SRL: variants seen among roughly 807,000 people sequenced by gnomAD.
SRL encodes the protein sarcalumenin.
Under a neutral mutation model 39.5 loss-of-function variants are expected in SRL, and 23 were observed. The observed-to-expected ratio is 0.58, with a 90% CI of 0.42 to 0.82. The LOEUF (loss-of-function observed/expected upper bound fraction) is 0.82, where lower values mean the gene tolerates loss of function less well. SRL is among the 40% of genes least tolerant of loss of function. SRL has a pLI of 0.00. For missense variants in SRL, 592 were observed against 607.8 expected, an observed-to-expected ratio of 0.97 and a Z score of 0.27; for synonymous variants, 272 against 237.4, an observed-to-expected ratio of 1.15 and a Z score of -1.34.
chr16:4,205,341 G>A (rs1426106923), intron 1 of SRL, among the ~76,000 whole-genome samples: 2 of 152,122 alleles, frequency 1.3e-5, no homozygotes, highest in African/African-American at 2.4e-5. Flanking sequence ...AACATCTCAG[G>A]AGGCTTTAGG....
rs371620508 is a variant in SRL at position 4,228,601 on chromosome 16, G to A, written c.61+13406C>T. On this transcript the variant is annotated intron_variant, in intron 1 of 5. Transcript: ENST00000399609. ...ATACAAAAAATTAGTCAGGCGTGGT[G>A]GCGGGCACCTGTAGTCCCAGCTACT... Among the ~76,000 whole-genome samples the A allele has an allele frequency of 1.7e-4, 26 of 152,084 alleles. No individual in the cohort carries two copies. In the South Asian group the frequency reaches 5.2e-3, roughly 30 times the overall value.
At chr16:4,214,074 C>A (rs373256415) in intron 1 of SRL, among the ~76,000 whole-genome samples, 1 of 152,108 alleles carries the variant, frequency 6.6e-6, no homozygotes, top group South Asian at 2.1e-4. Context: ...TACAGAACAC[C>A]AGCATTTCGG....
intron 1 of SRL, among the ~76,000 whole-genome samples, chr16:4,231,476 G>A (rs78262188): frequency 0.018 from 2,685 of 152,228 alleles, 38 homozygotes; most frequent in Non-Finnish European, 0.028. Context: ...CCCCATGGCC[G>A]CAGACCCTGT....
chr16:4,208,464 TG>T (rs1196451235), intron 1 of SRL, among the ~76,000 whole-genome samples: 1 of 152,082 alleles, frequency 6.6e-6, no homozygotes, highest in Non-Finnish European at 1.5e-5. Context: ...GAGGGAAAGT[TG>T]GGCGAGCCCT....
intron 1 of SRL, among the ~76,000 whole-genome samples, chr16:4,215,710 A>C (rs2052451577): frequency 1.3e-5 from 2 of 152,188 alleles, no homozygotes; most frequent in African/African-American, 2.4e-5. Flanking sequence ...GGCTGGACGC[A>C]GTGGCTCTGA....
Position 4,190,095 on chromosome 16 carries a change from C to T in SRL, c.*2058G>A. The stretch of plus-strand genomic sequence containing the variant: ...TCCTGGTCGACTCGTTCCTTGGAAA[C>T]ATTGTCCTGAGTGCCCTGGAACCTC... On this transcript the variant is annotated 3_prime_UTR_variant, in exon 6 of 6. Coordinates refer to ENST00000399609, the MANE Select transcript of SRL (RefSeq NM_001098814.2). 1 of 396,894 alleles carries T rather than the reference C, an allele frequency of 2.5e-6. No homozygotes were observed. Among genetic ancestry groups the T allele is most frequent in the Non-Finnish European group, 4.4e-6 (1 of 225,558 alleles). 24.6% of individuals were successfully genotyped at this position (396,894 alleles called of 1,614,324 possible). A position where few individuals can be genotyped will look rare whatever the true frequency, so the allele number is the denominator to read the frequency against.
chr16:4,204,418 C>T (rs557157723), intron 2 of SRL, 115 bp downstream of exon 2: 12 of 940,398 alleles, frequency 1.3e-5, no homozygotes, highest in South Asian at 1.0e-4. Flanking sequence ...GATACAGCCC[C>T]GGCCTCCAAG....
At chr16:4,206,674 G>A (rs1204347589) in intron 1 of SRL, 1 of 456,640 alleles carries the variant, frequency 2.2e-6, no homozygotes, top group Admixed American at 2.3e-5. Context: ...AGACTTCCAG[G>A]GAGAATGCAG....
At chr16:4,204,195 A>G (rs2052279391) in intron 2 of SRL, among the ~76,000 whole-genome samples, 1 of 152,218 alleles carries the variant, frequency 6.6e-6, no homozygotes, top group Non-Finnish European at 1.5e-5. Context: ...AAACGGCTTT[A>G]TAAACTAAAA....
Position 4,191,913 on chromosome 16 carries a change from G to A in SRL, c.*240C>T. ...GACCCAGGAAAAGCAGGTGGAGGCT[G>A]ACTTGCCTCAATCAGGCCTCCTCAT... On this transcript the variant is annotated 3_prime_UTR_variant, in exon 6 of 6. Transcript: ENST00000399609. The A allele has an allele frequency of 2.2e-6, 1 of 455,086 alleles. No homozygotes were observed. The highest frequency in any genetic ancestry group is 3.8e-6 in the Non-Finnish European group (1 of 260,468). The allele number at this position is 455,086 out of a possible 1,614,324, so 28.2% of individuals were successfully genotyped here.
At chr16:4,208,105 C>A (rs1266032321) in intron 1 of SRL, 1 of 446,368 alleles carries the variant, frequency 2.2e-6, no homozygotes, top group Admixed American at 2.4e-5. Flanking sequence ...ACTTGCAGTT[C>A]TAAATGATTA....
intron 4 of SRL, among the ~76,000 whole-genome samples, 185 bp from the exon 5 acceptor site, chr16:4,195,971 T>C (rs1248845090): frequency 4.6e-5 from 7 of 152,196 alleles, no homozygotes; most frequent in Admixed American, 2.0e-4. Flanking sequence ...TACCTTTTTT[T>C]TCTTTTTGAG....
chr16:4,237,770 C>A (rs1416088702), intron 1 of SRL, among the ~76,000 whole-genome samples: 1 of 152,182 alleles, frequency 6.6e-6, no homozygotes, highest in Non-Finnish European at 1.5e-5. Flanking sequence ...TCCCTTCCTG[C>A]CATCTTTCTG....
chr16:4,196,120 C>G (rs927755415), intron 4 of SRL, among the ~76,000 whole-genome samples: 1 of 152,008 alleles, frequency 6.6e-6, no homozygotes, highest in Admixed American at 6.6e-5. Context: ...GCCACCATGC[C>G]TGGCTAATTT....
intron 3 of SRL, among the ~76,000 whole-genome samples, chr16:4,199,970 T>G (rs2052204228): frequency 1.3e-5 from 2 of 150,920 alleles, no homozygotes; most frequent in Admixed American, 1.3e-4. Context: ...GTGCTGGGAT[T>G]ACAGGCGTGA....
chr16:4,191,754 A>G lies in SRL; in HGVS notation c.*399T>C, dbSNP rs2052068299. ...GAAAGAAGCCAAAATGGACCTGACA[A>G]TCTCTACGACTCAGGCCTTCGCTGT... On this transcript the variant is annotated 3_prime_UTR_variant, in exon 6 of 6. Transcript: ENST00000399609. 2 of 172,278 alleles carry G rather than the reference A, an allele frequency of 1.2e-5. No homozygotes were observed. The highest frequency in any genetic ancestry group is 1.8e-4 in the South Asian group (1 of 5,428). The allele number at this position is 172,278 out of a possible 1,614,324, so 10.7% of individuals were successfully genotyped here. A position where few individuals can be genotyped will look rare whatever the true frequency, so the allele number is the denominator to read the frequency against.
At chr16:4,207,994 C>G (rs2052346245) in intron 1 of SRL, 1 of 456,646 alleles carries the variant, frequency 2.2e-6, no homozygotes, top group Non-Finnish European at 4.4e-6. Context: ...GGGGCTGTGT[C>G]TGCATAAAGC....
At chr16:4,225,969 C>T (rs75454652) in intron 1 of SRL, among the ~76,000 whole-genome samples, 2 of 152,134 alleles carry the variant, frequency 1.3e-5, no homozygotes, top group Admixed American at 6.5e-5. Context: ...TCTGGATTTG[C>T]TCTTCAGGGC....
intron 1 of SRL, among the ~76,000 whole-genome samples, chr16:4,214,172 A>G (rs1467154936): frequency 6.6e-6 from 1 of 152,108 alleles, no homozygotes; most frequent in Non-Finnish European, 1.5e-5. Flanking sequence ...AGAGGTCAGG[A>G]CCTGTTTTCA....
Sources: gnomAD v4.1 joint callset for allele counts (sites outside exome capture counted in the v4.1 genomes callset) on GRCh38, gnomAD v4.1.1 for gene constraint, MANE v1.5 for transcripts, NCBI Gene and HGNC (gene_info 2026-07-23, HGNC 2026-07-21) for gene names.